The following BLOC1S2 variants were observed in gnomAD, a reference collection of about 807,000 sequenced individuals.
BLOC1S2 encodes the protein biogenesis of lysosome-related organelles complex 1 subunit 2.
Under a neutral mutation model 19.6 loss-of-function variants are expected in BLOC1S2, and 12 were observed. That is an observed-to-expected ratio of 0.61 (90% CI 0.39 to 0.99). The LOEUF is 0.99. BLOC1S2 is among the 50% of genes least tolerant of loss of function. The pLI is 0.00. For missense variants in BLOC1S2, 142 were observed against 171.0 expected (o/e 0.83, Z 0.95); for synonymous variants, 66 against 64.1 (o/e 1.03, Z -0.14).
At chr10:100,279,408 A>G (rs140057003) in intron 4 of BLOC1S2, among the ~76,000 whole-genome samples, 86 of 152,186 alleles carry the variant, frequency 5.7e-4, no homozygotes, top group Non-Finnish European at 7.2e-4. Context: ...ATCCCCTTAA[A>G]CCAGTTTCCT....
At chr10:100,280,067 G>T in intron 4 of BLOC1S2, 57 bp downstream of exon 4, 1 of 1,361,232 alleles carries the variant, frequency 7.3e-7, no homozygotes, top group Non-Finnish European at 1.0e-6. Flanking sequence ...TGTTTACTAA[G>T]AATATGCTGG....
intron 2 of BLOC1S2, among the ~76,000 whole-genome samples, chr10:100,283,298 T>G (rs1848155195): frequency 6.6e-6 from 1 of 152,148 alleles, no homozygotes; most frequent in Non-Finnish European, 1.5e-5. Context: ...ACTTTTCTTT[T>G]CTTTTATTAT....
chr10:100,277,742 C>G (rs1174780443), intron 4 of BLOC1S2, among the ~76,000 whole-genome samples: 2 of 132,754 alleles, frequency 1.5e-5, no homozygotes, highest in Admixed American at 1.4e-4. Context: ...GCCGCCCCGT[C>G]CGGGAGGTGA....
intron 2 of BLOC1S2, among the ~76,000 whole-genome samples, chr10:100,283,433 C>T (rs991937015): frequency 1.3e-5 from 2 of 152,162 alleles, no homozygotes; most frequent in African/African-American, 4.8e-5. Flanking sequence ...TCTCCTGCCT[C>T]CCAAAGTGCT....
rs572481529 is a variant in BLOC1S2 at position 100,275,908 on chromosome 10, C to T, written c.398-415G>A. Among the ~76,000 whole-genome samples the T allele has an allele frequency of 2.0e-5, 3 of 152,302 alleles. No individual in the cohort carries two copies. In the East Asian group the frequency reaches 5.8e-4, roughly 29 times the overall value. ...CCTCCTGTATGTTCTTATCCTTACACCTTACTCCAGGAAAGCAATTTTGAA... is the reference window on the plus strand; with the variant it reads ...CCTCCTGTATGTTCTTATCCTTACATCTTACTCCAGGAAAGCAATTTTGAA... On this transcript the variant is annotated intron_variant, in intron 4 of 4. Coordinates refer to ENST00000370372, the MANE Select transcript of BLOC1S2 (RefSeq NM_173809.5).
intron 4 of BLOC1S2, among the ~76,000 whole-genome samples, chr10:100,277,723 G>A (rs1308898250): frequency 2.2e-3 from 276 of 122,952 alleles, no homozygotes; most frequent in African/African-American, 7.2e-3. Flanking sequence ...TCAGCCCCCC[G>A]CCCGGCCAGC....
chr10:100,280,128 T>C lies in BLOC1S2; in HGVS notation c.393A>G (p.Lys131=). Residue 131 remains lysine (K), a synonymous_variant, in exon 4 of 5, where the codon AAA becomes AAG. Coordinates refer to ENST00000370372, the MANE Select transcript of BLOC1S2 (RefSeq NM_173809.5). ...AACAGAAGTAAAAACGGTTACCCAGTTTTTTTGAATATGCATCCAACTTGT... is the reference window on the plus strand; with the variant it reads ...AACAGAAGTAAAAACGGTTACCCAGCTTTTTTGAATATGCATCCAACTTGT... ...AAYKLDAYSK[K]LEAKYKKLEK... The C allele has an allele frequency of 6.2e-7, 1 of 1,611,328 alleles. No individual in the cohort carries two copies. The highest frequency in any genetic ancestry group is 8.5e-7 in the Non-Finnish European group (1 of 1,178,434).
chr10:100,280,310 T>G (rs1269456688), intron 3 of BLOC1S2, 82 bp from the exon 4 acceptor site: 1 of 1,246,222 alleles, frequency 8.0e-7, no homozygotes, highest in Non-Finnish European at 1.1e-6. Context: ...GTAATAATGC[T>G]AGTGTCTCTC....
chr10:100,279,992 T>G lies in BLOC1S2; in HGVS notation c.397+132A>C, dbSNP rs527308100. 127 of 474,248 alleles carry G rather than the reference T, an allele frequency of 2.7e-4. 2 individuals carry two copies. In the South Asian group the frequency reaches 8.3e-3, roughly 31 times the overall value. The allele number at this position is 474,248 out of a possible 1,614,324, so 29.4% of individuals were successfully genotyped here. A position where few individuals can be genotyped will look rare whatever the true frequency, so the allele number is the denominator to read the frequency against. Reference sequence around the variant, plus strand: ...AATGTTATTTTTATTAATATAATAATAAATTACTAAGGTTTTGTGAAGATT... The same window carrying G: ...AATGTTATTTTTATTAATATAATAAGAAATTACTAAGGTTTTGTGAAGATT... On this transcript the variant is annotated intron_variant, in intron 4 of 4. Transcript: ENST00000370372.
At chr10:100,279,098 A>AAAAAAC (rs1554910460) in intron 4 of BLOC1S2, among the ~76,000 whole-genome samples, 1 of 151,988 alleles carries the variant, frequency 6.6e-6, no homozygotes, top group Non-Finnish European at 1.5e-5. Flanking sequence ...TATAGAAAAA[A>AAAAAAC]AAAACAAAAC....
intron 4 of BLOC1S2, among the ~76,000 whole-genome samples, chr10:100,277,671 C>T (rs1847949079): frequency 1.4e-5 from 2 of 140,592 alleles, no homozygotes; most frequent in African/African-American, 2.7e-5. Flanking sequence ...GCTCAGCCCC[C>T]CCGCCCGGCC....
In BLOC1S2 at chr10:100,281,067, C is replaced by T; in HGVS notation, c.173-14G>A. 1.9e-6 allele frequency: 3 copies of T among 1,611,230 alleles called. No homozygotes were observed. The highest frequency in any genetic ancestry group is 1.7e-6 in the Non-Finnish European group (2 of 1,178,838). The stretch of plus-strand genomic sequence containing the variant: ...CTTCACTGGTGGCTTGAAAATTAAA[C>T]AGAAGATGTAATGTCTTTAAGATTT... On this transcript the variant is annotated splice_polypyrimidine_tract_variant and intron_variant, in intron 2 of 4. Transcript: ENST00000370372.
chr10:100,286,627 G>A lies in BLOC1S2; in HGVS notation c.33C>T (p.Thr11=), dbSNP rs780096702. MAAAAEGVLA[T]RSDEPARDDA... is the part of the protein sequence containing the mutation. Reference sequence around the variant, plus strand: ...TACCTCGGGCGGGCTCATCACTCCGGGTCGCCAGTACGCCCTCGGCTGCCG... The same window carrying A: ...TACCTCGGGCGGGCTCATCACTCCGAGTCGCCAGTACGCCCTCGGCTGCCG... Residue 11 remains threonine (T), a synonymous_variant, in exon 1 of 5, where the codon ACC becomes ACT. Transcript: ENST00000370372. The A allele has an allele frequency of 6.8e-6, 11 of 1,612,192 alleles. No homozygotes were observed. The highest frequency in any genetic ancestry group is 6.6e-5 in the South Asian group (6 of 91,002).
intron 4 of BLOC1S2, among the ~76,000 whole-genome samples, chr10:100,277,636 A>G (rs61871341): frequency 0.3 from 19,975 of 65,622 alleles, 4,584 homozygotes; most frequent in Non-Finnish European, 0.38. Flanking sequence ...CCAGCCAGCC[A>G]CCCCGTCCAG....
chr10:100,285,346 C>T (rs1258292082), intron 2 of BLOC1S2, among the ~76,000 whole-genome samples: 2 of 152,138 alleles, frequency 1.3e-5, no homozygotes, highest in Non-Finnish European at 2.9e-5. Flanking sequence ...CCTGCAACCT[C>T]CACCTCCTGG....
intron 4 of BLOC1S2, among the ~76,000 whole-genome samples, chr10:100,278,266 T>C (rs1434367161): frequency 1.3e-5 from 2 of 151,712 alleles, no homozygotes; most frequent in Non-Finnish European, 2.9e-5. Context: ...GGGGCGCCTC[T>C]GCCCGGCCGC....
chr10:100,281,148 C>A, intron 2 of BLOC1S2, 95 bp from the exon 3 acceptor site: 2 of 1,465,824 alleles, frequency 1.4e-6, no homozygotes, highest in Non-Finnish European at 1.9e-6. Context: ...AAGGCAGGAC[C>A]AAGGAAGTGT....
At position 100,274,844 on chromosome 10, in the gene BLOC1S2, G is replaced by A. The variant is rs1847812596; in HGVS notation, c.*618C>T. The A allele has an allele frequency of 5.0e-6, 2 of 397,256 alleles. No individual in the cohort carries two copies. The highest frequency in any genetic ancestry group is 4.4e-6 in the Non-Finnish European group (1 of 225,662). The allele number at this position is 397,256 out of a possible 1,614,324, so 24.6% of individuals were successfully genotyped here. A position where few individuals can be genotyped will look rare whatever the true frequency, so the allele number is the denominator to read the frequency against. ...TGTGACTCACATAGAAAATAAACAA[G>A]AGGGGCCCATCACATACGCCAAGTT... is the stretch of plus-strand genomic sequence containing the variant. On this transcript the variant is annotated 3_prime_UTR_variant, in exon 5 of 5. Transcript: ENST00000370372.
intron 4 of BLOC1S2, 79 bp from the exon 5 acceptor site, chr10:100,275,572 G>A (rs1350249853): frequency 4.5e-6 from 6 of 1,339,864 alleles, no homozygotes; most frequent in Admixed American, 2.0e-5. Context: ...TTCCAGTCAA[G>A]TTTAAAAAAT....
Sources: allele counts gnomAD v4.1 joint callset (sites outside exome capture counted in the v4.1 genomes callset), GRCh38; gene constraint gnomAD v4.1.1; transcripts MANE v1.5; gene names NCBI Gene and HGNC (gene_info 2026-07-23, HGNC 2026-07-21).